SMAGP: variants seen among roughly 807,000 people sequenced by gnomAD.
The protein encoded by SMAGP is small cell transmembrane and glycosylated protein.
A neutral mutation model predicts 10.1 loss-of-function variants in SMAGP; 7 were observed. The observed-to-expected ratio is 0.70, with a 90% CI of 0.40 to 1.31. SMAGP has a LOEUF of 1.31. Ranked by LOEUF, SMAGP falls within the 50% of genes most tolerant of loss-of-function variation. The pLI, the probability that SMAGP is intolerant of heterozygous loss-of-function variation, is 0.01. For synonymous variants in SMAGP, 49 were observed against 47.2 expected (o/e 1.04, Z -0.16); for missense variants, 113 against 116.5 (o/e 0.97, Z 0.14).
intron 2 of SMAGP, among the ~76,000 whole-genome samples, chr12:51,248,559 C>A (rs1412157401): frequency 6.6e-6 from 1 of 151,976 alleles, no homozygotes; most frequent in African/African-American, 2.4e-5. Context: ...ACCGCAGGAG[C>A]GGGCCTCAGG....
In SMAGP at chr12:51,246,114, TAAC is replaced by T. The variant is rs766582445; in HGVS notation, c.118_120del (p.Val40del). The T allele has an allele frequency of 1.3e-5, 21 of 1,613,722 alleles. No homozygotes were observed. Among genetic ancestry groups the T allele is most frequent in the East Asian group, 8.9e-5 (4 of 44,902 alleles). ...AGCAGGGTGAGGAAGACAACGGTGA[TAAC>T]AACTTGGAAAGGAGAGGGAAAATGT... On this transcript the variant is annotated inframe_deletion and splice_region_variant, in exon 4 of 4. Coordinates refer to ENST00000603798, the MANE Select transcript of SMAGP (RefSeq NM_001031628.2).
chr12:51,263,662 T>C (rs1944948534), intron 2 of SMAGP, among the ~76,000 whole-genome samples: 1 of 152,150 alleles, frequency 6.6e-6, no homozygotes, highest in Admixed American at 6.5e-5. Flanking sequence ...ACCTAGGCGG[T>C]AGCTGGTGTG....
At chr12:51,246,604 CTGTGTG>C (rs59561227) in intron 3 of SMAGP, 141 bp downstream of exon 3, 80 of 338,056 alleles carry the variant, frequency 2.4e-4, no homozygotes, top group South Asian at 3.2e-4. Flanking sequence ...TCTTTTATGG[CTGTGTG>C]TGTGTGTGTG....
chr12:51,255,828 G>A (rs1944879926), intron 2 of SMAGP, among the ~76,000 whole-genome samples: 2 of 152,122 alleles, frequency 1.3e-5, no homozygotes, highest in South Asian at 4.1e-4. Flanking sequence ...CTGGAATACA[G>A]TGGTGTGATC....
chr12:51,255,858 G>A (rs1028642781), intron 2 of SMAGP, among the ~76,000 whole-genome samples: 3 of 151,938 alleles, frequency 2.0e-5, no homozygotes, highest in East Asian at 3.9e-4. Context: ...TGCAGCCTCC[G>A]CCTCCCGGGT....
chr12:51,263,701 C>T (rs1041653962), intron 2 of SMAGP, among the ~76,000 whole-genome samples: 3 of 152,220 alleles, frequency 2.0e-5, no homozygotes, highest in African/African-American at 4.8e-5. Flanking sequence ...ATGAGCTTTA[C>T]CTGGCACGGT....
At chr12:51,246,889 T>C in intron 2 of SMAGP, 58 bp from the exon 3 acceptor site, 1 of 1,369,416 alleles carries the variant, frequency 7.3e-7, no homozygotes, top group Non-Finnish European at 9.8e-7. Flanking sequence ...TTTGAAAGCA[T>C]ATGTTTGGCC....
intron 1 of SMAGP, 24 bp from the exon 2 acceptor site, chr12:51,269,340 G>A: frequency 6.3e-7 from 1 of 1,595,768 alleles, no homozygotes; most frequent in Non-Finnish European, 8.6e-7. Context: ...GGCAAAGACA[G>A]GAATGTAGCG....
intron 2 of SMAGP, among the ~76,000 whole-genome samples, chr12:51,253,044 G>A (rs1944854892): frequency 6.6e-6 from 1 of 152,188 alleles, no homozygotes; most frequent in African/African-American, 2.4e-5. Context: ...AAGGGGCCAT[G>A]GAAGGAAGGT....
At chr12:51,256,202 T>C (rs1246846480) in intron 2 of SMAGP, among the ~76,000 whole-genome samples, 1 of 151,852 alleles carries the variant, frequency 6.6e-6, no homozygotes, top group Non-Finnish European at 1.5e-5. Flanking sequence ...GGTGAAGGCA[T>C]GGAGTTATGT....
At chr12:51,251,061 G>C (rs1490185650) in intron 2 of SMAGP, among the ~76,000 whole-genome samples, 1 of 152,046 alleles carries the variant, frequency 6.6e-6, no homozygotes, top group African/African-American at 2.4e-5. Context: ...AATTTAGGAT[G>C]TACAAAGCAT....
Position 51,250,482 on chromosome 12 carries a change from GGTT to G in SMAGP, c.35-3654_35-3652del, listed in dbSNP as rs999827896. Reference sequence around the variant, plus strand: ...GAAGTTACTAAACCTCTCTGAACCTGGTTGTTGTTGTTGTTGTGTTTTTTTTTT... The same window carrying G: ...GAAGTTACTAAACCTCTCTGAACCTGGTTGTTGTTGTTGTGTTTTTTTTTT... On this transcript the variant is annotated intron_variant, in intron 2 of 3. Coordinates refer to ENST00000603798, the MANE Select transcript of SMAGP (RefSeq NM_001031628.2). Among the ~76,000 whole-genome samples, 759 of 149,944 alleles carry G rather than the reference GGTT, an allele frequency of 5.1e-3. 8 individuals carry two copies. Among genetic ancestry groups the G allele is most frequent in the African/African-American group, 0.018 (726 of 40,882 alleles).
At chr12:51,246,140 T>G in intron 3 of SMAGP, 21 bp from the exon 4 acceptor site, 3 of 1,612,270 alleles carry the variant, frequency 1.9e-6, no homozygotes, top group Non-Finnish European at 2.5e-6. Flanking sequence ...AGAGGGAAAA[T>G]GTAGAGATGT....
intron 2 of SMAGP, among the ~76,000 whole-genome samples, chr12:51,260,202 GTTTC>G (rs1214451695): frequency 1.4e-5 from 2 of 140,124 alleles, no homozygotes; most frequent in African/African-American, 5.2e-5. Context: ...GGGTGTCATG[GTTTC>G]TTTTTTTTTT....
At chr12:51,260,924 G>C (rs1355263897) in intron 2 of SMAGP, among the ~76,000 whole-genome samples, 1 of 151,376 alleles carries the variant, frequency 6.6e-6, no homozygotes, top group Non-Finnish European at 1.5e-5. Context: ...CTGACTTCGT[G>C]ATCCACCCGC....
At chr12:51,248,430 ACACACTCTCTCTCTCTCT>A (rs1269498200) in intron 2 of SMAGP, among the ~76,000 whole-genome samples, 135 of 91,498 alleles carry the variant, frequency 1.5e-3, no homozygotes, top group Middle Eastern at 0.013. Flanking sequence ...ACACACACAC[ACACACTCTCTCTCTCTCT>A]CTCTCTCTCT....
chr12:51,248,403 C>CAA, intron 2 of SMAGP, among the ~76,000 whole-genome samples: 2 of 124,096 alleles, frequency 1.6e-5, no homozygotes, highest in Admixed American at 1.6e-4. Context: ...GTGTTTTACA[C>CAA]ACACACACAC....
chr12:51,246,490 C>T (rs1001838676), intron 3 of SMAGP: 13 of 440,364 alleles, frequency 3.0e-5, no homozygotes, highest in Non-Finnish European at 4.4e-5. Flanking sequence ...CATATATCCT[C>T]GTCCCTACCC....
chr12:51,248,758 C>T (rs1466305533), intron 2 of SMAGP, among the ~76,000 whole-genome samples: 1 of 151,990 alleles, frequency 6.6e-6, no homozygotes, highest in Non-Finnish European at 1.5e-5. Flanking sequence ...AAAGCTTCCG[C>T]ATAGTTGAAC....
Sources: gnomAD v4.1 joint callset for allele counts (sites outside exome capture counted in the v4.1 genomes callset) on GRCh38, gnomAD v4.1.1 for gene constraint, MANE v1.5 for transcripts, NCBI Gene and HGNC (gene_info 2026-07-23, HGNC 2026-07-21) for gene names.